The following KALRN variants were observed in gnomAD, a reference collection of about 807,000 sequenced individuals.
The protein encoded by KALRN is kalirin RhoGEF kinase.
Under a neutral mutation model 353.7 loss-of-function variants are expected in KALRN, and 70 were observed. The observed-to-expected ratio is 0.20, with a 90% CI of 0.16 to 0.24. KALRN has a LOEUF of 0.24. Ranked by LOEUF, KALRN falls within the 10% of genes least tolerant of loss-of-function variation. The pLI is 1.00. For synonymous variants in KALRN, 1,391 were observed against 1,434.8 expected, an observed-to-expected ratio of 0.97 and a Z score of 0.69; for missense variants, 2,791 against 3,756.7, an observed-to-expected ratio of 0.74 and a Z score of 6.72.
chr3:124,139,357 C>G (rs1050688539), intron 1 of KALRN, among the ~76,000 whole-genome samples: 14 of 152,190 alleles, frequency 9.2e-5, no homozygotes, highest in Admixed American at 6.5e-5. Flanking sequence ...GAACAAAATA[C>G]TACATCTTTT....
At chr3:124,674,259 T>G in intron 48 of KALRN, 105 bp from the exon 49 acceptor site, 1 of 1,123,932 alleles carries the variant, frequency 8.9e-7, no homozygotes, top group Non-Finnish European at 1.3e-6. Flanking sequence ...CTGCCTACCC[T>G]GCTAGTGGGA....
chr3:124,514,082 C>A (rs1157585466), intron 33 of KALRN, among the ~76,000 whole-genome samples: 1 of 152,192 alleles, frequency 6.6e-6, no homozygotes, highest in Non-Finnish European at 1.5e-5. Flanking sequence ...TAATTTATGT[C>A]TTCTCTCTAT....
intron 1 of KALRN, among the ~76,000 whole-genome samples, chr3:124,196,287 G>GA (rs1446895181): frequency 6.6e-6 from 1 of 152,016 alleles, no homozygotes. Flanking sequence ...TGAGGGCTCT[G>GA]AAAAAAAGTG....
intron 48 of KALRN, 121 bp from the exon 49 acceptor site, chr3:124,674,243 T>G: frequency 3.3e-6 from 3 of 902,392 alleles, no homozygotes; most frequent in East Asian, 5.1e-5. Context: ...GAGAGAATGC[T>G]GCCTGCTGCC....
intron 1 of KALRN, among the ~76,000 whole-genome samples, chr3:124,214,076 A>C (rs1378446787): frequency 6.6e-6 from 1 of 152,188 alleles, no homozygotes; most frequent in Non-Finnish European, 1.5e-5. Context: ...GACATAGAAA[A>C]AAAGTTAAAC....
At chr3:124,212,371 AGT>A (rs2076975026) in intron 1 of KALRN, among the ~76,000 whole-genome samples, 1 of 152,140 alleles carries the variant, frequency 6.6e-6, no homozygotes, top group Admixed American at 6.5e-5. Context: ...TAACCTATAT[AGT>A]GTGTGTATCA....
intron 8 of KALRN, among the ~76,000 whole-genome samples, chr3:124,330,286 ACC>A (rs1553916046): frequency 1.1e-4 from 14 of 132,506 alleles, no homozygotes; most frequent in African/African-American, 4.0e-4. Context: ...ACACACACAC[ACC>A]CCATACACCT....
chr3:124,411,132 C>G (rs960484970), intron 13 of KALRN, among the ~76,000 whole-genome samples: 5 of 151,982 alleles, frequency 3.3e-5, no homozygotes, highest in Admixed American at 2.0e-4. Flanking sequence ...ATATTAAATT[C>G]TAGAATAGGC....
At chr3:124,150,102 T>A (rs1360891116) in intron 1 of KALRN, among the ~76,000 whole-genome samples, 1 of 152,222 alleles carries the variant, frequency 6.6e-6, no homozygotes, top group Non-Finnish European at 1.5e-5. Context: ...TGCTTGCTGG[T>A]TATGTAAATA....
intron 5 of KALRN, among the ~76,000 whole-genome samples, chr3:124,280,742 A>G (rs989179077): frequency 4.6e-5 from 7 of 152,170 alleles, no homozygotes; most frequent in Non-Finnish European, 1.0e-4. Context: ...TCTCATATAT[A>G]AATACAGGAG....
chr3:124,465,423 T>G lies in KALRN; in HGVS notation c.4031+2790T>G, dbSNP rs190463300. On this transcript the variant is annotated intron_variant, in intron 25 of 59. Coordinates refer to ENST00000682506, the MANE Select transcript of KALRN (RefSeq NM_001388419.1). ...ACAAACTGAAGATAAAATTACTATT[T>G]GCAGACTTATGGCTAATACCATTCA... 8.3e-4 allele frequency among the ~76,000 whole-genome samples: 127 copies of G among 152,310 alleles called. 1 individual carries two copies. The East Asian group carries it at 0.014, about 17-fold the overall frequency.
intron 1 of KALRN, among the ~76,000 whole-genome samples, chr3:124,195,428 G>A: frequency 6.6e-6 from 1 of 152,138 alleles, no homozygotes; most frequent in East Asian, 1.9e-4. Flanking sequence ...CTGAGGAGCT[G>A]GGTCTGACTT....
rs558427310 is a variant in KALRN at position 124,334,768 on chromosome 3, C to G, written c.1647+273C>G. 2.6e-5 allele frequency among the ~76,000 whole-genome samples: 4 copies of G among 152,226 alleles called. No homozygotes were observed. In the East Asian group the frequency reaches 7.7e-4, roughly 29 times the overall value. On this transcript the variant is annotated intron_variant, in intron 9 of 59. Transcript: ENST00000682506. The surrounding 1 kb of genome is among the most constrained non-coding windows in gnomAD (Gnocchi z 4.2). The stretch of plus-strand genomic sequence containing the variant: ...CTCAGTCTCAGGAACTGCAATTCCT[C>G]GTAGTCATGTGGCACATTTTTCTTT...
chr3:124,200,656 C>A (rs1245860633), intron 1 of KALRN, among the ~76,000 whole-genome samples: 1 of 152,156 alleles, frequency 6.6e-6, no homozygotes, highest in African/African-American at 2.4e-5. Flanking sequence ...GTGAACAATG[C>A]ATGAGAGAAT....
chr3:124,574,435 T>C (rs1008772694), intron 34 of KALRN, among the ~76,000 whole-genome samples: 3 of 152,166 alleles, frequency 2.0e-5, no homozygotes, highest in Non-Finnish European at 4.4e-5. Flanking sequence ...CCACTGTAAA[T>C]CTGTGACATC....
intron 5 of KALRN, among the ~76,000 whole-genome samples, chr3:124,292,969 A>G (rs1420698489): frequency 6.6e-6 from 1 of 152,224 alleles, no homozygotes. Context: ...AACTTGTCAA[A>G]GTTTATACAG....
At chr3:124,650,693 G>T (rs1488180273) in intron 37 of KALRN, 115 bp from the exon 38 acceptor site, 2 of 1,075,424 alleles carry the variant, frequency 1.9e-6, no homozygotes, top group Non-Finnish European at 2.7e-6. Context: ...GGTTTGGTGA[G>T]AACAGCCTTG....
chr3:124,650,197 C>T (rs754540587), intron 37 of KALRN, among the ~76,000 whole-genome samples: 3 of 152,086 alleles, frequency 2.0e-5, no homozygotes, highest in Non-Finnish European at 4.4e-5. Flanking sequence ...ATATTTTTAT[C>T]GTTAACAGTT....
intron 13 of KALRN, among the ~76,000 whole-genome samples, chr3:124,406,582 G>C (rs2091565136): frequency 6.6e-6 from 1 of 152,134 alleles, no homozygotes; most frequent in Non-Finnish European, 1.5e-5. Flanking sequence ...TTTTGCAATT[G>C]ATAACCCAGG....
Sources: gnomAD v4.1 joint callset for allele counts (sites outside exome capture counted in the v4.1 genomes callset) on GRCh38, gnomAD v4.1.1 for gene constraint, Gnocchi (gnomAD v3.1) non-coding constraint, MANE v1.5 for transcripts, NCBI Gene and HGNC (gene_info 2026-07-23, HGNC 2026-07-21) for gene names.